TBL1XR1: variants seen among roughly 807,000 people sequenced by gnomAD.
TBL1XR1 encodes the protein F-box-like/WD repeat-containing protein TBL1XR1.
TBL1XR1 carries 5 observed loss-of-function variants against 66.9 expected under a neutral mutation model. That is an observed-to-expected ratio of 0.07 (90% CI 0.04 to 0.16). The LOEUF (loss-of-function observed/expected upper bound fraction) is 0.16. Among genes scored for constraint, TBL1XR1 ranks in the 10% least tolerant of loss-of-function variants. The probability of loss-of-function intolerance (pLI) is 1.00; values close to 1 mark genes in which losing one functional copy is unlikely to be tolerated. For missense variants in TBL1XR1, 238 were observed against 623.2 expected, an observed-to-expected ratio of 0.38 and a Z score of 6.58; for synonymous variants, 210 against 206.0, an observed-to-expected ratio of 1.02 and a Z score of -0.17.
At chr3:177,126,016 A>C (rs147694426) in intron 1 of TBL1XR1, 1 of 152,348 alleles carries the variant, frequency 6.6e-6, no homozygotes, top group East Asian at 1.9e-4. Context: ...AGTGCGTAAT[A>C]AAAAATATGA....
At chr3:177,109,209 C>A (rs1290706686) in intron 1 of TBL1XR1, among the ~76,000 whole-genome samples, 2 of 151,826 alleles carry the variant, frequency 1.3e-5, no homozygotes, top group Admixed American at 6.6e-5. Context: ...AATTTCATAC[C>A]TTTTCCCAAT....
At chr3:177,128,571 G>A (rs770421818) in intron 1 of TBL1XR1, among the ~76,000 whole-genome samples, 5 of 152,194 alleles carry the variant, frequency 3.3e-5, no homozygotes, top group Admixed American at 6.5e-5. Flanking sequence ...ATGGGGTTTT[G>A]CCATGTTGCC....
At chr3:177,151,759 G>A (rs1730915115) in intron 1 of TBL1XR1, among the ~76,000 whole-genome samples, 1 of 152,122 alleles carries the variant, frequency 6.6e-6, no homozygotes, top group South Asian at 2.1e-4. Flanking sequence ...TTCCCAGACG[G>A]GCACGGTGGC....
upstream of TBL1XR1, among the ~76,000 whole-genome samples, chr3:177,198,098 C>T (rs1434491193): frequency 6.6e-6 from 1 of 152,120 alleles, no homozygotes; most frequent in Non-Finnish European, 1.5e-5. Flanking sequence ...GTGAAAATCT[C>T]TGTGAACACC....
intron 1 of TBL1XR1, among the ~76,000 whole-genome samples, chr3:177,119,672 T>A (rs143598668): frequency 1.1e-4 from 17 of 152,352 alleles, no homozygotes; most frequent in Non-Finnish European, 2.4e-4. Context: ...ATTACCAATT[T>A]TGCAGATTAT....
intron 1 of TBL1XR1, among the ~76,000 whole-genome samples, chr3:177,192,418 A>G (rs1381649331): frequency 6.6e-6 from 1 of 151,952 alleles, no homozygotes; most frequent in East Asian, 1.9e-4. Context: ...AAAAAAAGAA[A>G]GAAAGTAAGT....
intron 1 of TBL1XR1, among the ~76,000 whole-genome samples, chr3:177,162,258 T>A (rs1424554197): frequency 6.6e-6 from 1 of 152,144 alleles, no homozygotes; most frequent in Non-Finnish European, 1.5e-5. Context: ...TACTGCTTGA[T>A]ACAATAAATG....
intron 7 of TBL1XR1, chr3:177,047,790 GGACCAGGATCTACA>G: frequency 2.1e-6 from 1 of 468,976 alleles, no homozygotes; most frequent in East Asian, 3.4e-5. Flanking sequence ...TGATTGCTCT[GGACCAGGATCTACA>G]TCACCCCACC....
chr3:177,164,828 C>A (rs941117477), intron 1 of TBL1XR1, among the ~76,000 whole-genome samples: 18 of 152,060 alleles, frequency 1.2e-4, no homozygotes, highest in African/African-American at 4.1e-4. Flanking sequence ...TGGAGCTGGG[C>A]TGAATAGAGA....
At chr3:177,175,181 C>T (rs1417895059) in intron 1 of TBL1XR1, among the ~76,000 whole-genome samples, 2 of 152,100 alleles carry the variant, frequency 1.3e-5, no homozygotes, top group Admixed American at 6.5e-5. Flanking sequence ...ATGTGAATAA[C>T]ATTGTATTGT....
intron 14 of TBL1XR1, among the ~76,000 whole-genome samples, chr3:177,030,143 G>C (rs1281796707): frequency 1.3e-5 from 2 of 151,444 alleles, no homozygotes; most frequent in Admixed American, 6.6e-5. Context: ...GAGAGAGAGA[G>C]AGAGAGACAG....
At chr3:177,126,863 A>C (rs1429061978) in intron 1 of TBL1XR1, among the ~76,000 whole-genome samples, 1 of 151,938 alleles carries the variant, frequency 6.6e-6, no homozygotes. Context: ...GAAATGCCCA[A>C]ATCAAATCCT....
At chr3:177,155,838 C>A (rs1183195972) in intron 1 of TBL1XR1, among the ~76,000 whole-genome samples, 1 of 151,998 alleles carries the variant, frequency 6.6e-6, no homozygotes, top group Non-Finnish European at 1.5e-5. Context: ...GGAGAAACCC[C>A]ATCTCTACTA....
At chr3:177,069,793 AAAGGAAGGAAGGAAGG>A (rs201302557) in intron 2 of TBL1XR1, among the ~76,000 whole-genome samples, 1,001 of 92,410 alleles carry the variant, frequency 0.011, 17 homozygotes, top group African/African-American at 0.033. Flanking sequence ...AAAAGGAAGG[AAAGGAAGGAAGGAAGG>A]AAGGAAGGAA....
chr3:177,170,606 T>G (rs902591394), intron 1 of TBL1XR1, among the ~76,000 whole-genome samples: 3 of 152,074 alleles, frequency 2.0e-5, no homozygotes, highest in African/African-American at 7.2e-5. Flanking sequence ...TTTCTCACAT[T>G]TATATTCTAA....
chr3:177,100,861 G>GTTTT lies in TBL1XR1; in HGVS notation c.-121-2324_-121-2321dup, dbSNP rs1313182694. Among the ~76,000 whole-genome samples, 8 of 130,944 alleles carry GTTTT rather than the reference G, an allele frequency of 6.1e-5. 1 individual carries two copies. Among genetic ancestry groups the GTTTT allele is most frequent in the South Asian group, 2.4e-4 (1 of 4,084 alleles). 85.9% of individuals were successfully genotyped at this position (130,944 alleles called of 152,430 possible). A position where few individuals can be genotyped will look rare whatever the true frequency, so the allele number is the denominator to read the frequency against. On this transcript the variant is annotated intron_variant, in intron 1 of 15. Coordinates refer to ENST00000457928, the MANE Select transcript of TBL1XR1 (RefSeq NM_024665.7). ...GGCTCTGCTATTTTCTTTTTCTTTG[G>GTTTT]TTTTTTTTTTCTTTGAGACGGAGTC...
At chr3:177,155,530 GAATA>G (rs751915652) in intron 1 of TBL1XR1, among the ~76,000 whole-genome samples, 17 of 152,224 alleles carry the variant, frequency 1.1e-4, no homozygotes, top group African/African-American at 3.1e-4. Context: ...GAATTTAAAA[GAATA>G]AATAAATAGT....
chr3:177,120,954 A>C (rs1314341012), intron 1 of TBL1XR1, among the ~76,000 whole-genome samples: 1 of 152,200 alleles, frequency 6.6e-6, no homozygotes, highest in Non-Finnish European at 1.5e-5. Flanking sequence ...AAATTTATAC[A>C]ATTATTATAC....
At chr3:177,055,480 A>G (rs1419847588) in intron 3 of TBL1XR1, among the ~76,000 whole-genome samples, 1 of 146,944 alleles carries the variant, frequency 6.8e-6, no homozygotes, top group Non-Finnish European at 1.5e-5. Context: ...GCAAGATCAT[A>G]ATTAAATGCA....
Sources: allele counts gnomAD v4.1 joint callset (sites outside exome capture counted in the v4.1 genomes callset), GRCh38; gene constraint gnomAD v4.1.1; transcripts MANE v1.5; gene names NCBI Gene and HGNC (gene_info 2026-07-23, HGNC 2026-07-21).